The following KCNH1 variants were observed in gnomAD, a reference collection of about 807,000 sequenced individuals.
KCNH1 encodes the protein voltage-gated delayed rectifier potassium channel KCNH1.
A neutral mutation model predicts 69.2 loss-of-function variants in KCNH1; 27 were observed. The ratio of observed to expected loss-of-function variants is 0.39; its 90% CI spans 0.29 to 0.54. The LOEUF is 0.54. Among genes scored for constraint, KCNH1 ranks in the 20% least tolerant of loss-of-function variants. The pLI, the probability that KCNH1 is intolerant of heterozygous loss-of-function variation, is 0.68. For synonymous variants in KCNH1, 456 were observed against 487.7 expected (o/e 0.93, Z 0.86); for missense variants, 798 against 1,261.6 (o/e 0.63, Z 5.57).
At chr1:210,812,441 G>C (rs1388190890) in intron 7 of KCNH1, among the ~76,000 whole-genome samples, 6 of 152,158 alleles carry the variant, frequency 3.9e-5, no homozygotes, top group Non-Finnish European at 7.3e-5. Context: ...TTTTAAGCCA[G>C]ATAGTGCCTG....
At chr1:210,937,880 T>G (rs969675594) in intron 6 of KCNH1, among the ~76,000 whole-genome samples, 4 of 152,242 alleles carry the variant, frequency 2.6e-5, no homozygotes, top group Admixed American at 2.0e-4. Flanking sequence ...ACCTAAGTCC[T>G]TTTCTAGAAC....
At chr1:211,072,715 A>T (rs1296425676) in intron 5 of KCNH1, among the ~76,000 whole-genome samples, 8 of 141,284 alleles carry the variant, frequency 5.7e-5, no homozygotes, top group Admixed American at 1.4e-4. Flanking sequence ...TGAAAAAAAA[A>T]TTTTTTTTGC....
At chr1:211,128,298 A>G (rs1162395091) in intron 1 of KCNH1, among the ~76,000 whole-genome samples, 1 of 151,648 alleles carries the variant, frequency 6.6e-6, no homozygotes, top group Non-Finnish European at 1.5e-5. Flanking sequence ...AAAAAAAAAA[A>G]AAGAAAGAGG....
chr1:210,762,254 C>T (rs1465895399), intron 10 of KCNH1, among the ~76,000 whole-genome samples: 2 of 152,186 alleles, frequency 1.3e-5, no homozygotes, highest in East Asian at 3.9e-4. Context: ...GTTTATAGTT[C>T]TAAATGCCTA....
Position 210,847,143 on chromosome 1 carries a change from T to G in KCNH1, c.1463-42977A>C, listed in dbSNP as rs575257044. Reference sequence around the variant, plus strand: ...TTACACTTTTGGTGGGACTGTAAACTAGTTCAACCATTGTGGAAGTCAGTG... The same window carrying G: ...TTACACTTTTGGTGGGACTGTAAACGAGTTCAACCATTGTGGAAGTCAGTG... On this transcript the variant is annotated intron_variant, in intron 7 of 10. Coordinates refer to ENST00000271751, the MANE Select transcript of KCNH1 (RefSeq NM_172362.3). Among the ~76,000 whole-genome samples the G allele has an allele frequency of 1.3e-3, 201 of 152,314 alleles. 1 individual carries two copies. Among genetic ancestry groups the G allele is most frequent in the African/African-American group, 4.6e-3 (192 of 41,580 alleles).
At chr1:210,905,426 A>G (rs2102541509) in intron 7 of KCNH1, among the ~76,000 whole-genome samples, 1 of 152,286 alleles carries the variant, frequency 6.6e-6, no homozygotes, top group Middle Eastern at 3.4e-3. Context: ...GTCAAGTACC[A>G]GGAACTTGGG....
At chr1:211,066,546 A>T (rs945120969) in intron 5 of KCNH1, among the ~76,000 whole-genome samples, 3 of 152,194 alleles carry the variant, frequency 2.0e-5, no homozygotes, top group Non-Finnish European at 4.4e-5. Flanking sequence ...TCACTAACTC[A>T]TTCCAGTGTT....
intron 6 of KCNH1, among the ~76,000 whole-genome samples, chr1:211,016,335 T>C (rs531055317): frequency 3.3e-5 from 5 of 152,298 alleles, no homozygotes; most frequent in South Asian, 4.1e-4. Context: ...TTTACATATG[T>C]GTTTATAGTT....
At chr1:210,928,282 T>C (rs1340327019) in intron 6 of KCNH1, among the ~76,000 whole-genome samples, 1 of 152,122 alleles carries the variant, frequency 6.6e-6, no homozygotes, top group Non-Finnish European at 1.5e-5. Context: ...CATCAGCACA[T>C]GGAACATTCT....
At chr1:210,766,362 C>A (rs983098251) in intron 10 of KCNH1, among the ~76,000 whole-genome samples, 1 of 152,082 alleles carries the variant, frequency 6.6e-6, no homozygotes, top group Non-Finnish European at 1.5e-5. Flanking sequence ...CCCGTCTCTA[C>A]TAAAAATACA....
chr1:210,957,124 C>T (rs1274747569), intron 6 of KCNH1, among the ~76,000 whole-genome samples: 1 of 152,112 alleles, frequency 6.6e-6, no homozygotes, highest in Non-Finnish European at 1.5e-5. Context: ...TCTTTGTTCT[C>T]ATTGGTTTCA....
chr1:210,702,249 A>T (rs1681798823), intron 10 of KCNH1, among the ~76,000 whole-genome samples: 2 of 152,184 alleles, frequency 1.3e-5, no homozygotes, highest in Non-Finnish European at 2.9e-5. Flanking sequence ...GTGGCCCTGC[A>T]ATCTGAGGAT....
At position 210,985,735 on chromosome 1, in the gene KCNH1, G is replaced by A. The variant is rs559305537; in HGVS notation, c.1032+33048C>T. Among the ~76,000 whole-genome samples, 4 of 152,240 alleles carry A rather than the reference G, an allele frequency of 2.6e-5. No individual in the cohort carries two copies. The East Asian group carries it at 7.7e-4, about 29-fold the overall frequency. Reference sequence around the variant, plus strand: ...GTCAATTTTGGAACAGGTGTGGTGTGGTGCTGAAAAGAATGTATATTCTGT... The same window carrying A: ...GTCAATTTTGGAACAGGTGTGGTGTAGTGCTGAAAAGAATGTATATTCTGT... On this transcript the variant is annotated intron_variant, in intron 6 of 10. Coordinates refer to ENST00000271751, the MANE Select transcript of KCNH1 (RefSeq NM_172362.3).
chr1:210,716,741 C>T (rs1682262833), intron 10 of KCNH1, among the ~76,000 whole-genome samples: 1 of 152,174 alleles, frequency 6.6e-6, no homozygotes, highest in Non-Finnish European at 1.5e-5. Context: ...GTCTCTCCAA[C>T]CAGGCTTCTC....
chr1:210,975,546 T>C (rs1351115874), intron 6 of KCNH1, among the ~76,000 whole-genome samples: 2 of 152,198 alleles, frequency 1.3e-5, no homozygotes, highest in Admixed American at 6.5e-5. Flanking sequence ...TGGCTAGCCA[T>C]ATGTAGAAAG....
At chr1:210,965,047 A>T (rs1688372141) in intron 6 of KCNH1, among the ~76,000 whole-genome samples, 1 of 152,200 alleles carries the variant, frequency 6.6e-6, no homozygotes, top group Non-Finnish European at 1.5e-5. Flanking sequence ...AAAATTCAAC[A>T]CTACTTCATG....
chr1:211,079,938 A>G (rs1031901518), intron 5 of KCNH1, among the ~76,000 whole-genome samples: 2 of 152,224 alleles, frequency 1.3e-5, no homozygotes. Flanking sequence ...CACCACTCCT[A>G]TTCAACATAG....
intron 5 of KCNH1, among the ~76,000 whole-genome samples, chr1:211,050,404 C>T (rs78317548): frequency 0.023 from 3,502 of 152,058 alleles, 71 homozygotes; most frequent in Non-Finnish European, 0.035. Context: ...CATAAACACC[C>T]TTCTCCATAA....
chr1:210,704,680 A>T (rs1319116432), intron 10 of KCNH1, among the ~76,000 whole-genome samples: 1 of 152,206 alleles, frequency 6.6e-6, no homozygotes. Context: ...TTCCAAACCC[A>T]AATGCTATTC....
Sources: allele counts gnomAD v4.1 joint callset (sites outside exome capture counted in the v4.1 genomes callset), GRCh38; gene constraint gnomAD v4.1.1; transcripts MANE v1.5; gene names NCBI Gene and HGNC (gene_info 2026-07-23, HGNC 2026-07-21).